Variants in VPS8 observed in about 807,000 individuals in gnomAD.
The protein encoded by VPS8 is VPS8 subunit of CORVET complex.
A neutral mutation model predicts 216.4 loss-of-function variants in VPS8; 129 were observed. That is an observed-to-expected ratio of 0.60 (90% confidence interval 0.52 to 0.69). The LOEUF (loss-of-function observed/expected upper bound fraction) is 0.69. Among genes scored for constraint, VPS8 ranks in the 30% least tolerant of loss-of-function variants. The pLI is 0.00. For synonymous variants in VPS8, 571 were observed against 565.4 expected, an observed-to-expected ratio of 1.01 and a Z score of -0.14; for missense variants, 1,531 against 1,683.5, an observed-to-expected ratio of 0.91 and a Z score of 1.59.
At chr3:185,027,013 A>G (rs1361535390) in intron 46 of VPS8, among the ~76,000 whole-genome samples, 1 of 150,842 alleles carries the variant, frequency 6.6e-6, no homozygotes, top group African/African-American at 2.4e-5. Context: ...CCAGCCAGCT[A>G]TATTTCCTTA....
chr3:185,036,712 T>C (rs1758951154), intron 46 of VPS8, among the ~76,000 whole-genome samples: 1 of 151,950 alleles, frequency 6.6e-6, no homozygotes, highest in African/African-American at 2.4e-5. Context: ...TCCCCCACTT[T>C]TGTGGTATTG....
At position 184,915,271 on chromosome 3, in the gene VPS8, T is replaced by C. The variant is rs550584054; in HGVS notation, c.2263-84T>C. The C allele has an allele frequency of 9.3e-6, 14 of 1,507,836 alleles. No homozygotes were observed. In the Middle Eastern group the frequency reaches 5.8e-4, roughly 62 times the overall value. 93.4% of individuals were successfully genotyped at this position (1,507,836 alleles called of 1,614,324 possible). ...ATTTAAACTGAATTCAGCCTGCCTT[T>C]ATTTTATCCAAATGAGAATCACTGC... On this transcript the variant is annotated intron_variant, in intron 27 of 47. Transcript: ENST00000625842.
intron 34 of VPS8, among the ~76,000 whole-genome samples, chr3:184,932,009 G>C (rs1342164762): frequency 6.6e-6 from 1 of 152,132 alleles, no homozygotes; most frequent in African/African-American, 2.4e-5. Flanking sequence ...GGAGCAAGAA[G>C]TATTTTTGCT....
intron 1 of VPS8, among the ~76,000 whole-genome samples, chr3:184,813,017 C>A (rs151266499): frequency 6.6e-6 from 1 of 152,150 alleles, no homozygotes; most frequent in Non-Finnish European, 1.5e-5. Context: ...ACTCCTGTGC[C>A]TTGGCCAGTT....
intron 36 of VPS8, among the ~76,000 whole-genome samples, chr3:184,948,445 G>A (rs1387464570): frequency 6.6e-6 from 1 of 152,116 alleles, no homozygotes; most frequent in African/African-American, 2.4e-5. Flanking sequence ...GAGCTAAGGA[G>A]TTTGAAGTTA....
At chr3:184,821,274 G>T (rs1214152769) in intron 1 of VPS8, among the ~76,000 whole-genome samples, 1 of 152,148 alleles carries the variant, frequency 6.6e-6, no homozygotes, top group Non-Finnish European at 1.5e-5. Flanking sequence ...ACTGCCAGAA[G>T]GCTATGGGCA....
intron 36 of VPS8, among the ~76,000 whole-genome samples, chr3:184,946,465 A>C (rs1743689433): frequency 6.6e-6 from 1 of 152,336 alleles, no homozygotes; most frequent in East Asian, 1.9e-4. Context: ...TCATCTTTGC[A>C]GTGGCAGCTT....
At chr3:184,908,279 T>G (rs975033048) in intron 25 of VPS8, among the ~76,000 whole-genome samples, 18 of 152,168 alleles carry the variant, frequency 1.2e-4, no homozygotes, top group African/African-American at 4.1e-4. Context: ...GCTACAAGAT[T>G]GACACAGGAA....
chr3:184,907,866 T>C (rs546829960), intron 25 of VPS8, among the ~76,000 whole-genome samples: 15 of 152,284 alleles, frequency 9.9e-5, no homozygotes, highest in Admixed American at 3.9e-4. Flanking sequence ...AGCCTTCCCT[T>C]CCTGCTTGCA....
Position 184,930,520 on chromosome 3 carries a change from T to G in VPS8, c.2850T>G (p.Ser950Arg). 6.2e-7 allele frequency: 1 copy of G among 1,613,570 alleles called. No homozygotes were observed. Among genetic ancestry groups the G allele is most frequent in the Non-Finnish European group, 8.5e-7 (1 of 1,179,582 alleles). The change falls in exon 34 of 48, where the codon AGT becomes AGG. Residue 950 changes from serine (S) to arginine (R), a missense_variant. Around this residue, in one of 3 missense-constraint regions of VPS8, gnomAD observed 1,318 missense variants for 1,468.4 expected, o/e 0.90. Coordinates refer to ENST00000625842, the MANE Select transcript of VPS8 (RefSeq NM_001009921.3). The part of the protein sequence containing the change: ...IHNILSIPGH[S>R]AEEKQSVWQK... ...ATATCTTATCCATTCCCGGACACAG[T>G]GCAGAGGAGAAGCAGTCTGTATGGC...
intron 46 of VPS8, among the ~76,000 whole-genome samples, chr3:185,040,543 C>CTCTA (rs1759485846): frequency 6.6e-6 from 1 of 152,110 alleles, no homozygotes; most frequent in Admixed American, 6.5e-5. Context: ...AATCCATTTC[C>CTCTA]TCTATCTACT....
chr3:184,938,260 A>G (rs1741989312), intron 35 of VPS8, among the ~76,000 whole-genome samples: 3 of 152,252 alleles, frequency 2.0e-5, no homozygotes, highest in South Asian at 4.1e-4. Context: ...GATGAGGTCC[A>G]TTAACTCAAG....
At chr3:184,937,195 T>C (rs1741798077) in intron 35 of VPS8, among the ~76,000 whole-genome samples, 1 of 152,190 alleles carries the variant, frequency 6.6e-6, no homozygotes, top group African/African-American at 2.4e-5. Context: ...ATGGACTGTT[T>C]AAGGTATTCC....
intron 40 of VPS8, among the ~76,000 whole-genome samples, chr3:184,978,643 C>T: frequency 6.6e-6 from 1 of 152,114 alleles, no homozygotes; most frequent in East Asian, 1.9e-4. Context: ...CAAGCAATCT[C>T]CCCACCTCAG....
chr3:185,029,588 G>A (rs1281497542), intron 46 of VPS8, among the ~76,000 whole-genome samples: 2 of 149,066 alleles, frequency 1.3e-5, no homozygotes, highest in Admixed American at 6.7e-5. Context: ...TTTTTGAGAC[G>A]GAGTCTCACT....
rs1383201663 is a variant in VPS8 at position 184,915,274 on chromosome 3, T to C, written c.2263-81T>C. ...TAAACTGAATTCAGCCTGCCTTTAT[T>C]TTATCCAAATGAGAATCACTGCTTC... On this transcript the variant is annotated intron_variant, in intron 27 of 47. Coordinates refer to ENST00000625842, the MANE Select transcript of VPS8 (RefSeq NM_001009921.3). The C allele has an allele frequency of 3.7e-5, 56 of 1,515,348 alleles. No homozygotes were observed. The Admixed American group carries it at 1.2e-3, about 34-fold the overall frequency. The allele number at this position is 1,515,348 out of a possible 1,614,324, so 93.9% of individuals were successfully genotyped here. A position where few individuals can be genotyped will look rare whatever the true frequency, so the allele number is the denominator to read the frequency against.
chr3:184,956,099 A>G (rs1262197241), intron 36 of VPS8, among the ~76,000 whole-genome samples: 1 of 152,232 alleles, frequency 6.6e-6, no homozygotes, highest in Non-Finnish European at 1.5e-5. Flanking sequence ...CACCTCTGGT[A>G]TCACAAAGCT....
intron 31 of VPS8, among the ~76,000 whole-genome samples, chr3:184,927,760 A>G (rs2109209063): frequency 6.6e-6 from 1 of 152,242 alleles, no homozygotes; most frequent in Non-Finnish European, 1.5e-5. Context: ...CCCAGCCCTT[A>G]GTAACTACCA....
chr3:184,954,175 T>C (rs528196393), intron 36 of VPS8, among the ~76,000 whole-genome samples: 2 of 152,234 alleles, frequency 1.3e-5, no homozygotes, highest in East Asian at 1.9e-4. Context: ...AAGAAATGAA[T>C]AGGGAGAGGT....
Sources: gnomAD v4.1 joint callset for allele counts (sites outside exome capture counted in the v4.1 genomes callset) on GRCh38, gnomAD v4.1.1 for gene constraint, gnomAD v4.1.1 regional missense constraint, MANE v1.5 for transcripts, NCBI Gene and HGNC (gene_info 2026-07-23, HGNC 2026-07-21) for gene names.